SCARA5: variants seen among roughly 807,000 people sequenced by gnomAD.
SCARA5 encodes scavenger receptor class A member 5.
A neutral mutation model predicts 46.3 loss-of-function variants in SCARA5; 45 were observed. The observed-to-expected ratio is 0.97, with a 90% CI of 0.76 to 1.24. SCARA5 has a LOEUF of 1.24. Among genes scored for constraint, SCARA5 ranks in the 50% most tolerant of loss-of-function variants. SCARA5 has a pLI of 0.00. For missense variants in SCARA5, 680 were observed against 689.0 expected, an observed-to-expected ratio of 0.99 and a Z score of 0.15; for synonymous variants, 333 against 306.5, an observed-to-expected ratio of 1.09 and a Z score of -0.90.
intron 3 of SCARA5, among the ~76,000 whole-genome samples, chr8:27,924,102 TA>T (rs1356344283): frequency 2.6e-5 from 4 of 152,138 alleles, no homozygotes; most frequent in Non-Finnish European, 5.9e-5. Flanking sequence ...TGGGGATGTC[TA>T]GGGATGCTCA....
intron 3 of SCARA5, among the ~76,000 whole-genome samples, chr8:27,954,551 C>T (rs1372230187): frequency 6.6e-6 from 1 of 152,194 alleles, no homozygotes; most frequent in Non-Finnish European, 1.5e-5. Context: ...TTTGAAATGG[C>T]TGCATAATAC....
intron 4 of SCARA5, among the ~76,000 whole-genome samples, chr8:27,919,514 C>T (rs1332946642): frequency 6.6e-6 from 1 of 152,098 alleles, no homozygotes; most frequent in East Asian, 1.9e-4. Flanking sequence ...CTGGGTCCAC[C>T]TTCCAGCCTG....
intron 3 of SCARA5, among the ~76,000 whole-genome samples, chr8:27,958,201 A>G (rs1808235338): frequency 2.6e-5 from 4 of 152,154 alleles, no homozygotes; most frequent in South Asian, 4.1e-4. Context: ...TCTGCCCCCA[A>G]CTTCTACCCG....
chr8:27,915,681 C>A (rs1286370233), intron 4 of SCARA5, among the ~76,000 whole-genome samples: 1 of 152,228 alleles, frequency 6.6e-6, no homozygotes, highest in African/African-American at 2.4e-5. Flanking sequence ...GCTTTGCGAA[C>A]TTGTTTTCAT....
intron 5 of SCARA5, among the ~76,000 whole-genome samples, chr8:27,907,746 T>G (rs1807291225): frequency 6.6e-6 from 1 of 152,042 alleles, no homozygotes; most frequent in Non-Finnish European, 1.5e-5. Flanking sequence ...ATATTTGTAT[T>G]TTTAATAGAG....
intron 4 of SCARA5, among the ~76,000 whole-genome samples, chr8:27,914,693 C>A (rs1585484901): frequency 6.6e-6 from 1 of 152,212 alleles, no homozygotes; most frequent in East Asian, 1.9e-4. Flanking sequence ...TTTCTGTCAC[C>A]AAGGCAGGCC....
At chr8:27,968,174 C>T (rs559556855) in intron 2 of SCARA5, among the ~76,000 whole-genome samples, 2 of 151,500 alleles carry the variant, frequency 1.3e-5, no homozygotes, top group Admixed American at 1.3e-4. Context: ...TGGTACCTTA[C>T]GATCCACACT....
At chr8:27,949,867 G>A (rs1808096476) in intron 3 of SCARA5, among the ~76,000 whole-genome samples, 1 of 152,228 alleles carries the variant, frequency 6.6e-6, no homozygotes, top group Admixed American at 6.5e-5. Flanking sequence ...TGGGACCTGA[G>A]GGGAGCCACT....
chr8:27,872,667 C>A (rs971087405), intron 8 of SCARA5, among the ~76,000 whole-genome samples: 1 of 152,202 alleles, frequency 6.6e-6, no homozygotes, highest in African/African-American at 2.4e-5. Context: ...CCCTTTGAGG[C>A]AGAGAATGAT....
At chr8:27,900,644 T>C (rs1482147015) in intron 7 of SCARA5, among the ~76,000 whole-genome samples, 2 of 152,148 alleles carry the variant, frequency 1.3e-5, no homozygotes, top group East Asian at 3.9e-4. Context: ...TATCCTGCTT[T>C]AAATTCATGC....
At chr8:27,966,756 T>C (rs1808376084) in intron 2 of SCARA5, among the ~76,000 whole-genome samples, 3 of 152,224 alleles carry the variant, frequency 2.0e-5, no homozygotes. Flanking sequence ...TCTGTGTTCA[T>C]GATCAAGCCA....
chr8:27,895,942 G>T (rs1807058450), intron 7 of SCARA5, among the ~76,000 whole-genome samples: 1 of 152,200 alleles, frequency 6.6e-6, no homozygotes, highest in African/African-American at 2.4e-5. Context: ...TAAACGAAGC[G>T]CTTTCCTTGC....
chr8:27,931,429 G>A (rs535498893), intron 3 of SCARA5, among the ~76,000 whole-genome samples: 2 of 152,226 alleles, frequency 1.3e-5, no homozygotes, highest in Admixed American at 6.5e-5. Flanking sequence ...CCCCAGAATG[G>A]GGTCCAGCCA....
At chr8:27,985,315 G>T (rs1808689848) in intron 2 of SCARA5, among the ~76,000 whole-genome samples, 1 of 152,106 alleles carries the variant, frequency 6.6e-6, no homozygotes, top group Non-Finnish European at 1.5e-5. Context: ...TGCACACTGG[G>T]GGATGCCAGG....
intron 3 of SCARA5, among the ~76,000 whole-genome samples, chr8:27,926,966 TTGGTTCTCAAACTGGGATCTTGAGTTC>T (rs1468370032): frequency 5.3e-5 from 8 of 152,206 alleles, no homozygotes; most frequent in African/African-American, 1.9e-4. Flanking sequence ...AGTTCCAGTT[TTGGTTCTCAAACTGGGATCTTGAGTTC>T]TGGTTTTCAA....
chr8:27,991,874 CAT>C (rs929260938), intron 1 of SCARA5, among the ~76,000 whole-genome samples: 4 of 136,558 alleles, frequency 2.9e-5, no homozygotes, highest in Non-Finnish European at 5.9e-5. Flanking sequence ...CACACACACA[CAT>C]GCACACACAC....
In SCARA5 at chr8:27,887,835, G is replaced by A. The variant is rs555758779; in HGVS notation, c.1154-8069C>T. Among the ~76,000 whole-genome samples, 93 of 152,280 alleles carry A rather than the reference G, an allele frequency of 6.1e-4. 1 individual carries two copies. In the South Asian group the frequency reaches 0.019, roughly 31 times the overall value. ...TAGGCTAGCCCCAAGAAGTAAATGA[G>A]CAACTTGGTAAGAAAGAAAGAAATA... On this transcript the variant is annotated intron_variant, in intron 7 of 8. Coordinates refer to ENST00000354914, the MANE Select transcript of SCARA5 (RefSeq NM_173833.6).
At chr8:27,893,137 G>A (rs1021067501) in intron 7 of SCARA5, among the ~76,000 whole-genome samples, 5 of 152,186 alleles carry the variant, frequency 3.3e-5, no homozygotes, top group Non-Finnish European at 5.9e-5. Context: ...CTCGTAGGAA[G>A]CAGGAACAAA....
chr8:27,888,583 T>C (rs1806933889), intron 7 of SCARA5, among the ~76,000 whole-genome samples: 1 of 152,240 alleles, frequency 6.6e-6, no homozygotes, highest in Non-Finnish European at 1.5e-5. Flanking sequence ...GGTTGAGTCT[T>C]AAGTGTGAGC....
Sources: gnomAD v4.1 joint callset for allele counts (sites outside exome capture counted in the v4.1 genomes callset) on GRCh38, gnomAD v4.1.1 for gene constraint, MANE v1.5 for transcripts, NCBI Gene and HGNC (gene_info 2026-07-23, HGNC 2026-07-21) for gene names.